MDGA2: variants seen among roughly 807,000 people sequenced by gnomAD.
MDGA2 encodes MAM domain-containing glycosylphosphatidylinositol anchor protein 2.
In MDGA2, 40 loss-of-function variants were observed where a neutral mutation model predicts 117.8. The ratio of observed to expected loss-of-function variants is 0.34; its 90% confidence interval spans 0.26 to 0.44. MDGA2 has a LOEUF of 0.44. MDGA2 is among the 20% of genes least tolerant of loss of function. The probability of loss-of-function intolerance (pLI) is 1.00; values close to 1 mark genes in which losing one functional copy is unlikely to be tolerated. For synonymous variants in MDGA2, 452 were observed against 439.0 expected (o/e 1.03, Z -0.37); for missense variants, 1,123 against 1,250.6 (o/e 0.90, Z 1.54).
At chr14:47,238,048 T>G (rs1261615732) in intron 2 of MDGA2, among the ~76,000 whole-genome samples, 1 of 152,140 alleles carries the variant, frequency 6.6e-6, no homozygotes, top group African/African-American at 2.4e-5. Context: ...CAAACCTACC[T>G]TCCTGAAAGA....
chr14:47,651,487 G>A (rs2138270306), intron 1 of MDGA2, among the ~76,000 whole-genome samples: 1 of 152,224 alleles, frequency 6.6e-6, no homozygotes, highest in African/African-American at 2.4e-5. Flanking sequence ...TCTGGAGTGT[G>A]TGAGAATGAT....
chr14:47,585,220 T>A (rs1008434371), intron 1 of MDGA2, among the ~76,000 whole-genome samples: 1 of 151,838 alleles, frequency 6.6e-6, no homozygotes, highest in Non-Finnish European at 1.5e-5. Flanking sequence ...AGAGGTCCTG[T>A]AGGAAACAAA....
intron 6 of MDGA2, among the ~76,000 whole-genome samples, chr14:47,077,256 C>T (rs972124603): frequency 6.6e-6 from 1 of 151,998 alleles, no homozygotes; most frequent in Non-Finnish European, 1.5e-5. Flanking sequence ...AGTTGCTTTT[C>T]GTTTTGGTCA....
intron 3 of MDGA2, among the ~76,000 whole-genome samples, chr14:47,215,635 C>T (rs1323558834): frequency 6.6e-6 from 1 of 152,008 alleles, no homozygotes; most frequent in Non-Finnish European, 1.5e-5. Flanking sequence ...GGAATAACTA[C>T]TTTAAATATA....
intron 1 of MDGA2, among the ~76,000 whole-genome samples, chr14:47,323,155 T>G (rs1398792655): frequency 9.3e-5 from 2 of 21,508 alleles, no homozygotes; most frequent in African/African-American, 3.7e-4. Flanking sequence ...CATGGATATA[T>G]ATATATATAT....
At chr14:46,994,064 G>A (rs1887194780) in intron 8 of MDGA2, among the ~76,000 whole-genome samples, 1 of 152,046 alleles carries the variant, frequency 6.6e-6, no homozygotes, top group South Asian at 2.1e-4. Context: ...CGGGGTAATC[G>A]ATCAATCAAT....
intron 1 of MDGA2, among the ~76,000 whole-genome samples, chr14:47,635,821 T>G (rs1485083403): frequency 7.0e-6 from 1 of 143,508 alleles, no homozygotes; most frequent in African/African-American, 2.5e-5. Context: ...CCTTGTTATC[T>G]TCCAGTGAGT....
intron 10 of MDGA2, among the ~76,000 whole-genome samples, chr14:46,898,406 T>C (rs1318692668): frequency 6.6e-6 from 1 of 152,078 alleles, no homozygotes; most frequent in Non-Finnish European, 1.5e-5. Context: ...TCAAGGTACA[T>C]TTCTTGCTGG....
Position 47,674,846 on chromosome 14 carries a change from C to T in MDGA2, c.-50G>A. The T allele has an allele frequency of 5.1e-6, 3 of 593,392 alleles. No individual in the cohort carries two copies. The highest frequency in any genetic ancestry group is 8.9e-6 in the Non-Finnish European group (3 of 337,560). The allele number at this position is 593,392 out of a possible 1,614,324, so 36.8% of individuals were successfully genotyped here. A position where few individuals can be genotyped will look rare whatever the true frequency, so the allele number is the denominator to read the frequency against. On this transcript the variant is annotated 5_prime_UTR_variant, in exon 1 of 17. Transcript: ENST00000399232. ...ACACACTCTCCCACAACACAATACC[C>T]TGACACACACTCACACGCACGCCGC...
intron 1 of MDGA2, chr14:47,444,472 G>A: frequency 5.1e-6 from 1 of 197,598 alleles, no homozygotes; most frequent in Non-Finnish European, 1.1e-5. Flanking sequence ...GAGAGCATCA[G>A]CCAGGACAAT....
At chr14:47,590,365 C>T (rs927598863) in intron 1 of MDGA2, among the ~76,000 whole-genome samples, 5 of 151,586 alleles carry the variant, frequency 3.3e-5, no homozygotes, top group African/African-American at 1.2e-4. Context: ...AATAAAAGAC[C>T]ATGGCCTAGA....
At chr14:46,920,324 G>A in intron 9 of MDGA2, 164 bp from the exon 10 acceptor site, 1 of 638,766 alleles carries the variant, frequency 1.6e-6, no homozygotes, top group Non-Finnish European at 2.4e-6. Context: ...AGATTTCCTG[G>A]TTGATTGGAT....
chr14:46,969,933 CATATATAT>C (rs1157465830), intron 8 of MDGA2, among the ~76,000 whole-genome samples: 67 of 15,276 alleles, frequency 4.4e-3, no homozygotes, highest in South Asian at 7.0e-3. Context: ...TAAAGTATTC[CATATATAT>C]ATATATATAT....
At chr14:46,873,622 A>G (rs1882103022) in intron 13 of MDGA2, 31 bp from the exon 14 acceptor site, 1 of 1,578,064 alleles carries the variant, frequency 6.3e-7, no homozygotes, top group African/African-American at 1.4e-5. Context: ...GTGTTTAAAC[A>G]CATTATTCTT....
chr14:46,866,521 C>G (rs944735613), intron 14 of MDGA2, among the ~76,000 whole-genome samples: 2 of 151,938 alleles, frequency 1.3e-5, no homozygotes, highest in Non-Finnish European at 2.9e-5. Flanking sequence ...CAATGGCAAC[C>G]AAAGCCAAAA....
intron 6 of MDGA2, among the ~76,000 whole-genome samples, chr14:47,074,755 C>A (rs1363599294): frequency 1.3e-5 from 2 of 152,070 alleles, no homozygotes. Flanking sequence ...AATCTGGGCA[C>A]CTCTTGTCTC....
chr14:47,009,076 T>C (rs956749197), intron 8 of MDGA2, among the ~76,000 whole-genome samples: 1 of 152,026 alleles, frequency 6.6e-6, no homozygotes, highest in African/African-American at 2.4e-5. Flanking sequence ...CGATATTTAA[T>C]TAAGCAGTGC....
chr14:47,624,008 T>C (rs1373168660), intron 1 of MDGA2, among the ~76,000 whole-genome samples: 1 of 152,242 alleles, frequency 6.6e-6, no homozygotes, highest in African/African-American at 2.4e-5. Flanking sequence ...CAGGAGGTTA[T>C]TAATCTATGT....
At chr14:47,228,167 T>TA (rs528073545) in intron 2 of MDGA2, among the ~76,000 whole-genome samples, 9 of 151,440 alleles carry the variant, frequency 5.9e-5, no homozygotes, top group East Asian at 1.9e-4. Flanking sequence ...ATCTTAGTTA[T>TA]AAAAAAAAAT....
Sources: gnomAD v4.1 joint callset for allele counts (sites outside exome capture counted in the v4.1 genomes callset) on GRCh38, gnomAD v4.1.1 for gene constraint, MANE v1.5 for transcripts, NCBI Gene and HGNC (gene_info 2026-07-23, HGNC 2026-07-21) for gene names.